The following ZNF638 variants were observed in gnomAD, a reference collection of about 807,000 sequenced individuals.
ZNF638 encodes zinc finger protein 638.
Under a neutral mutation model 195.6 loss-of-function variants are expected in ZNF638, and 46 were observed. The ratio of observed to expected loss-of-function variants is 0.24; its 90% CI spans 0.19 to 0.30. ZNF638 has a LOEUF of 0.30. Ranked by LOEUF, ZNF638 falls within the 10% of genes least tolerant of loss-of-function variation. ZNF638 has a pLI of 1.00. For missense variants in ZNF638, 2,440 were observed against 2,325.3 expected (o/e 1.05, Z -1.01); for synonymous variants, 845 against 772.0 (o/e 1.09, Z -1.57).
intron 8 of ZNF638, among the ~76,000 whole-genome samples, chr2:71,373,475 C>T (rs1259535645): frequency 1.8e-5 from 2 of 112,264 alleles, no homozygotes; most frequent in Non-Finnish European, 3.3e-5. Flanking sequence ...GGCGGAGCCT[C>T]TCTCTGTCGC....
chr2:71,369,327 A>G (rs1428021995), intron 7 of ZNF638, among the ~76,000 whole-genome samples: 1 of 150,806 alleles, frequency 6.6e-6, no homozygotes, highest in Non-Finnish European at 1.5e-5. Flanking sequence ...CGTCTCAAAA[A>G]AAAAAAAAAA....
intron 6 of ZNF638, among the ~76,000 whole-genome samples, chr2:71,368,108 C>A (rs2542513): frequency 0.9 from 137,320 of 152,134 alleles, 62,048 homozygotes; most frequent in Admixed American, 0.93. Context: ...AAGATGCTAT[C>A]AACAGAAAAG....
In ZNF638 at chr2:71,406,178, G is replaced by A. The variant is rs144453296; in HGVS notation, c.3051G>A (p.Pro1017=). The change falls in exon 19 of 28, where the codon CCG becomes CCA. Residue 1017 remains proline (P), a synonymous_variant. Transcript: ENST00000264447. ...YDRFVHLDNL[P]EDGLQCVLCV... ...GATTTGTACATCTTGATAATTTACC[G>A]GAAGATGGACTTCAGTGTGTACTTT... is the stretch of plus-strand genomic sequence containing the variant. 9.3e-6 allele frequency: 15 copies of A among 1,613,554 alleles called. No homozygotes were observed. The highest frequency in any genetic ancestry group is 5.5e-5 in the South Asian group (5 of 91,074).
At chr2:71,356,527 T>C (rs1048804446) in intron 3 of ZNF638, among the ~76,000 whole-genome samples, 1 of 152,174 alleles carries the variant, frequency 6.6e-6, no homozygotes, top group East Asian at 1.9e-4. Flanking sequence ...TGCTGGCTCA[T>C]GACTGTAATC....
chr2:71,339,247 G>A (rs967216946), intron 1 of ZNF638, among the ~76,000 whole-genome samples: 2 of 151,664 alleles, frequency 1.3e-5, no homozygotes, highest in South Asian at 2.1e-4. Flanking sequence ...CACCTCCCAG[G>A]TGCAAGTAGA....
intron 16 of ZNF638, among the ~76,000 whole-genome samples, chr2:71,403,624 C>CT (rs1003016397): frequency 6.6e-6 from 1 of 152,076 alleles, no homozygotes; most frequent in African/African-American, 2.4e-5. Context: ...AATGTCTCTT[C>CT]TTTTTTCTCT....
In ZNF638 at chr2:71,420,702, T is replaced by C. The variant is rs370050688; in HGVS notation, c.3299+2063T>C. Among the ~76,000 whole-genome samples, 6 of 152,214 alleles carry C rather than the reference T, an allele frequency of 3.9e-5. No homozygotes were observed. In the South Asian group the frequency reaches 8.3e-4, roughly 21 times the overall value. On this transcript the variant is annotated intron_variant, in intron 21 of 27. Coordinates refer to ENST00000264447, the MANE Select transcript of ZNF638 (RefSeq NM_014497.5). ...TTCCATTTCCCAGAATGTGGCTGTTTTCATTTGATCGTTACAAAGAGTGGT... is the reference window on the plus strand; with the variant it reads ...TTCCATTTCCCAGAATGTGGCTGTTCTCATTTGATCGTTACAAAGAGTGGT...
At position 71,331,837 on chromosome 2, in the gene ZNF638, G is replaced by A. The variant is rs1048799684; in HGVS notation, c.-241G>A. The A allele has an allele frequency of 4.1e-6, 4 of 986,128 alleles. No individual in the cohort carries two copies. The African/African-American group carries it at 5.2e-5, about 13-fold the overall frequency. 61.1% of individuals were successfully genotyped at this position (986,128 alleles called of 1,614,324 possible). On this transcript the variant is annotated 5_prime_UTR_variant, in exon 1 of 28. Coordinates refer to ENST00000264447, the MANE Select transcript of ZNF638 (RefSeq NM_014497.5). ...GGAGGCTGAGTGCTAAACTGTGTGGGGCGCGGATGGGATCCAGCTGTTAGT... is the reference window on the plus strand; with the variant it reads ...GGAGGCTGAGTGCTAAACTGTGTGGAGCGCGGATGGGATCCAGCTGTTAGT...
At chr2:71,386,154 T>A (rs1426102307) in intron 10 of ZNF638, among the ~76,000 whole-genome samples, 2 of 152,106 alleles carry the variant, frequency 1.3e-5, no homozygotes, top group African/African-American at 4.8e-5. Context: ...AATTAAGAAG[T>A]TATCTGGGCA....
chr2:71,399,178 G>C (rs778372757), intron 12 of ZNF638, among the ~76,000 whole-genome samples: 1 of 151,972 alleles, frequency 6.6e-6, no homozygotes, highest in Non-Finnish European at 1.5e-5. Context: ...TAAAGAAATG[G>C]AACACTATTT....
rs868649026 is a variant in ZNF638, at chr2:71,426,524, A to C, written c.4655A>C (p.Asn1552Thr). 2.5e-6 allele frequency: 4 copies of C among 1,612,196 alleles called. No individual in the cohort carries two copies. The highest frequency in any genetic ancestry group is 2.7e-5 in the African/African-American group (2 of 74,702). The change falls in exon 24 of 28, where the codon AAT (asparagine) becomes ACT (threonine). Residue 1552 changes from asparagine (N) to threonine (T), a missense_variant. Asn to Thr is a moderately conservative substitution (Grantham distance 65). Transcript: ENST00000264447. Reference protein sequence around the residue: ...VTVDEVIEEVNPSQAKQNPLK... With the variant: ...VTVDEVIEEVTPSQAKQNPLK... Reference sequence around the variant, plus strand: ...GTGGATGAGGTTATAGAAGAAGTGAATCCTTCTCAGGCCAAGCAGAATCCA... The same window carrying C: ...GTGGATGAGGTTATAGAAGAAGTGACTCCTTCTCAGGCCAAGCAGAATCCA...
At chr2:71,383,488 A>G (rs906772177) in intron 10 of ZNF638, among the ~76,000 whole-genome samples, 2 of 150,734 alleles carry the variant, frequency 1.3e-5, no homozygotes, top group African/African-American at 4.9e-5. Flanking sequence ...TTGGATCACT[A>G]CTTTTCTCCA....
Position 71,423,942 on chromosome 2 carries a change from C to A in ZNF638, c.4428C>A (p.Gly1476=), listed in dbSNP as rs146917773. The change falls in exon 22 of 28, where the codon GGC becomes GGA. Residue 1476 remains glycine (G), a synonymous_variant. Coordinates refer to ENST00000264447, the MANE Select transcript of ZNF638 (RefSeq NM_014497.5). ...GGSGRISALQ[G]KLSKLDYRDI... is the part of the protein sequence containing the mutation. ...GTGGAAGGATCTCAGCCCTGCAAGG[C>A]AAGCTTTCTAAACTGGATTACAGAG... The A allele has an allele frequency of 2.4e-4, 386 of 1,613,966 alleles. No individual in the cohort carries two copies. Among genetic ancestry groups the A allele is most frequent in the Non-Finnish European group, 3.0e-4 (356 of 1,179,996 alleles).
Position 71,349,143 on chromosome 2 carries a change from C to T in ZNF638, c.189C>T (p.Asn63=), listed in dbSNP as rs1702018511. 1 of 1,614,196 alleles carries T rather than the reference C, an allele frequency of 6.2e-7. No homozygotes were observed. The highest frequency in any genetic ancestry group is 8.5e-7 in the Non-Finnish European group (1 of 1,180,038). ...HRFAGHESYQ[N]MGPQRMNVQV... ...TTGCTGGCCATGAATCTTATCAGAA[C>T]ATGGGGCCACAGAGAATGAATGTTC... Residue 63 remains asparagine, a synonymous_variant, in exon 2 of 28, where the codon AAC becomes AAT. Transcript: ENST00000264447.
chr2:71,419,459 A>C (rs2080376409), intron 21 of ZNF638, among the ~76,000 whole-genome samples: 1 of 152,234 alleles, frequency 6.6e-6, no homozygotes, highest in Admixed American at 6.5e-5. Flanking sequence ...AAGATCCCTG[A>C]AAAACAGAAC....
rs932882876 is a variant in ZNF638, at chr2:71,348,345, C to G, written c.-202-408C>G. 1.0e-4 allele frequency: 95 copies of G among 926,778 alleles called. 1 individual carries two copies. Among genetic ancestry groups the G allele is most frequent in the Non-Finnish European group, 1.1e-4 (87 of 775,532 alleles). 57.4% of individuals were successfully genotyped at this position (926,778 alleles called of 1,614,324 possible). ...CTTTTAGGCTTACAGTTCTTACTTT[C>G]ATTATTTGTATATCTGATAACATGC... On this transcript the variant is annotated intron_variant, in intron 1 of 27. Transcript: ENST00000264447.
At chr2:71,400,048 T>C (rs964934129) in intron 13 of ZNF638, 64 bp from the exon 14 acceptor site, 2 of 1,341,092 alleles carry the variant, frequency 1.5e-6, no homozygotes, top group Non-Finnish European at 2.0e-6. Flanking sequence ...AGTTCCTGTT[T>C]AGATTCATTA....
chr2:71,337,982 A>G (rs184139885), intron 1 of ZNF638, among the ~76,000 whole-genome samples: 4 of 152,134 alleles, frequency 2.6e-5, no homozygotes, highest in Admixed American at 2.6e-4. Context: ...TTTCCTCTTG[A>G]TTAGATGTAG....
intron 26 of ZNF638, among the ~76,000 whole-genome samples, chr2:71,432,226 G>A (rs1035621374): frequency 1.3e-5 from 2 of 151,922 alleles, no homozygotes; most frequent in Admixed American, 1.3e-4. Flanking sequence ...TTTGAGACAG[G>A]GTCTCATTCT....
Sources: allele counts gnomAD v4.1 joint callset (sites outside exome capture counted in the v4.1 genomes callset), GRCh38; gene constraint gnomAD v4.1.1; transcripts MANE v1.5; gene names NCBI Gene and HGNC (gene_info 2026-07-23, HGNC 2026-07-21).